The following EPM2A variants were observed in gnomAD, a reference collection of about 807,000 sequenced individuals.
EPM2A encodes the protein EPM2A glucan phosphatase, laforin.
In EPM2A, 21 loss-of-function variants were observed where a neutral mutation model predicts 26.5. The ratio of observed to expected loss-of-function variants is 0.79; its 90% confidence interval spans 0.56 to 1.14. The LOEUF is 1.14. Ranked by LOEUF, EPM2A falls within the 50% of genes most tolerant of loss-of-function variation. The pLI, the probability that EPM2A is intolerant of heterozygous loss-of-function variation, is 0.00. For synonymous variants in EPM2A, 217 were observed against 177.6 expected (o/e 1.22, Z -1.76); for missense variants, 458 against 440.8 (o/e 1.04, Z -0.35).
chr6:145,615,154 C>G (rs1027678198), intron 2 of EPM2A, among the ~76,000 whole-genome samples: 1 of 152,178 alleles, frequency 6.6e-6, no homozygotes, highest in Non-Finnish European at 1.5e-5. Context: ...CCACCCAAAT[C>G]TCATCTTGAA....
At chr6:145,639,647 T>C (rs1776943541) in intron 2 of EPM2A, 1 of 152,156 alleles carries the variant, frequency 6.6e-6, no homozygotes, top group Non-Finnish European at 1.5e-5. Context: ...GTCTGACATA[T>C]CTACAAATTA....
intron 2 of EPM2A, among the ~76,000 whole-genome samples, chr6:145,554,473 T>C (rs1201514076): frequency 1.3e-5 from 2 of 151,882 alleles, no homozygotes; most frequent in Non-Finnish European, 2.9e-5. Flanking sequence ...GATAGATACA[T>C]AGACAGAGAG....
intron 2 of EPM2A, among the ~76,000 whole-genome samples, chr6:145,605,078 A>G (rs1043833288): frequency 6.6e-6 from 1 of 152,174 alleles, no homozygotes; most frequent in African/African-American, 2.4e-5. Context: ...AGCAATTTTA[A>G]ATTAAAATTT....
intron 4 of EPM2A, among the ~76,000 whole-genome samples, chr6:145,494,608 T>C (rs1344423308): frequency 6.6e-6 from 1 of 152,216 alleles, no homozygotes; most frequent in East Asian, 1.9e-4. Context: ...TCTATCTTTT[T>C]GATATGGGCA....
intron 2 of EPM2A, chr6:145,670,848 G>GA (rs1490935104): frequency 2.3e-5 from 22 of 942,300 alleles, no homozygotes; most frequent in Non-Finnish European, 2.7e-5. Context: ...TATTCAGATA[G>GA]AAAAAAGGTA....
At chr6:145,472,508 C>G (rs893194563) in intron 4 of EPM2A, among the ~76,000 whole-genome samples, 2 of 152,132 alleles carry the variant, frequency 1.3e-5, no homozygotes, top group Non-Finnish European at 1.5e-5. Context: ...ATTTCTGGAG[C>G]TGCCCTAAGC....
chr6:145,658,131 A>G (rs1778427443), intron 2 of EPM2A, among the ~76,000 whole-genome samples: 1 of 152,236 alleles, frequency 6.6e-6, no homozygotes, highest in African/African-American at 2.4e-5. Context: ...TCTTTAAATA[A>G]GTTGAAGAAA....
At chr6:145,598,043 A>G (rs1010899774) in intron 2 of EPM2A, among the ~76,000 whole-genome samples, 1 of 152,178 alleles carries the variant, frequency 6.6e-6, no homozygotes, top group Non-Finnish European at 1.5e-5. Flanking sequence ...ATTCACATGC[A>G]TGTGTCTTTA....
At chr6:145,678,492 T>C (rs1399575671) in intron 2 of EPM2A, among the ~76,000 whole-genome samples, 1 of 152,108 alleles carries the variant, frequency 6.6e-6, no homozygotes, top group East Asian at 1.9e-4. Context: ...ATTTTTGCAA[T>C]CTACCCATGT....
intron 4 of EPM2A, chr6:145,490,541 TC>T: frequency 1.4e-6 from 1 of 712,992 alleles, no homozygotes; most frequent in South Asian, 1.4e-5. Context: ...TAAACTTTCT[TC>T]CCAGTTCTTT....
chr6:145,731,961 G>C (rs1776510024), intron 1 of EPM2A, among the ~76,000 whole-genome samples: 1 of 152,006 alleles, frequency 6.6e-6, no homozygotes, highest in Non-Finnish European at 1.5e-5. Flanking sequence ...GTCTTCAAAG[G>C]AAAAATTATT....
chr6:145,522,376 C>G (rs1196996379), intron 2 of EPM2A, among the ~76,000 whole-genome samples: 2 of 152,062 alleles, frequency 1.3e-5, no homozygotes, highest in African/African-American at 4.8e-5. Context: ...GGTTAACTCA[C>G]CATTTTCCCC....
At chr6:145,590,064 C>A (rs148116323) in intron 2 of EPM2A, among the ~76,000 whole-genome samples, 31 of 152,172 alleles carry the variant, frequency 2.0e-4, no homozygotes, top group African/African-American at 5.5e-4. Flanking sequence ...GCTCTATTTA[C>A]CCACAGCAGG....
chr6:145,489,780 C>G (rs1450663395), intron 4 of EPM2A: 12 of 1,441,796 alleles, frequency 8.3e-6, no homozygotes, highest in Non-Finnish European at 9.8e-6. Context: ...TCTCTTCTCT[C>G]GGTTCATAGA....
chr6:145,568,513 C>T (rs532166929), intron 2 of EPM2A, among the ~76,000 whole-genome samples: 2 of 151,994 alleles, frequency 1.3e-5, no homozygotes, highest in South Asian at 2.1e-4. Flanking sequence ...AGTAGAAACG[C>T]GGTTTCTCCA....
intron 2 of EPM2A, among the ~76,000 whole-genome samples, chr6:145,576,196 G>C (rs748287448): frequency 2.0e-5 from 3 of 152,084 alleles, no homozygotes; most frequent in Non-Finnish European, 4.4e-5. Flanking sequence ...GTCTCCTCTG[G>C]CTGGCTAAAA....
At chr6:145,608,298 G>T (rs1367575735) in intron 2 of EPM2A, among the ~76,000 whole-genome samples, 1 of 152,164 alleles carries the variant, frequency 6.6e-6, no homozygotes, top group Non-Finnish European at 1.5e-5. Context: ...AAAGTATAGT[G>T]TTTATAGGGA....
At chr6:145,703,135 C>T (rs1172710987) in intron 1 of EPM2A, among the ~76,000 whole-genome samples, 5 of 151,126 alleles carry the variant, frequency 3.3e-5, no homozygotes, top group African/African-American at 1.2e-4. Flanking sequence ...CTCTGTTGCC[C>T]ATGCTAGAGT....
chr6:145,500,579 C>T (rs1034905742), downstream of EPM2A, among the ~76,000 whole-genome samples: 1 of 152,172 alleles, frequency 6.6e-6, no homozygotes, highest in Non-Finnish European at 1.5e-5. Context: ...AGAATCAGGT[C>T]ATTTTCTTGA....
Sources: gnomAD v4.1 joint callset for allele counts (sites outside exome capture counted in the v4.1 genomes callset) on GRCh38, gnomAD v4.1.1 for gene constraint, MANE v1.5 for transcripts, NCBI Gene and HGNC (gene_info 2026-07-23, HGNC 2026-07-21) for gene names.